The following CRYBG1 variants were observed in gnomAD, a reference collection of about 807,000 sequenced individuals.
The protein encoded by CRYBG1 is crystallin beta-gamma domain containing 1.
In CRYBG1, 139 loss-of-function variants were observed where a neutral mutation model predicts 189.2. The observed-to-expected ratio is 0.73, with a 90% confidence interval of 0.64 to 0.85. The LOEUF is 0.85. CRYBG1 is among the 40% of genes least tolerant of loss of function. The pLI, the probability that CRYBG1 is intolerant of heterozygous loss-of-function variation, is 0.00. For missense variants in CRYBG1, 2,611 were observed against 2,675.8 expected (o/e 0.98, Z 0.53); for synonymous variants, 1,023 against 1,017.1 (o/e 1.01, Z -0.11).
At position 106,435,856 on chromosome 6, in the gene CRYBG1, G is replaced by A. The variant is rs377074407; in HGVS notation, c.174-15838G>A. On this transcript the variant is annotated intron_variant, in intron 1 of 21. Coordinates refer to ENST00000633556, the MANE Select transcript of CRYBG1 (RefSeq NM_001371242.2). ...TGCTGGGATTACAGGTGTGAACCAC[G>A]GTGCCCAGCCCTTGCAAATTTTAAA... 7.2e-5 allele frequency among the ~76,000 whole-genome samples: 11 copies of A among 152,152 alleles called. No individual in the cohort carries two copies. The East Asian group carries it at 1.7e-3, about 24-fold the overall frequency.
chr6:106,565,135 T>C (rs1189609894), intron 21 of CRYBG1, among the ~76,000 whole-genome samples: 2 of 151,922 alleles, frequency 1.3e-5, no homozygotes, highest in African/African-American at 2.4e-5. Flanking sequence ...CTGGCTAACA[T>C]GGTGAAACCC....
At chr6:106,417,721 A>G (rs908592272) in intron 1 of CRYBG1, among the ~76,000 whole-genome samples, 1 of 152,248 alleles carries the variant, frequency 6.6e-6, no homozygotes, top group African/African-American at 2.4e-5. Flanking sequence ...AGAATGTGAG[A>G]GAGCGAGTGC....
At chr6:106,552,002 A>G in intron 14 of CRYBG1, 24 bp downstream of exon 14, 1 of 1,574,120 alleles carries the variant, frequency 6.4e-7, no homozygotes. Context: ...TTTTTGTATG[A>G]GAATATTTAA....
chr6:106,520,075 A>G lies in CRYBG1; in HGVS notation c.2867A>G (p.Gln956Arg). ...GAGTGTCCATCCAGAGTCCTCGTCC[A>G]GGTCAGGTCCTTCGTGCTCCCCGTG... ...GSECPSRVLV[Q>R]VRSFVLPVES... The change falls in exon 4 of 22, where the codon CAG (glutamine) becomes CGG (arginine). Residue 956 changes from glutamine to arginine, a missense_variant. Physicochemically the swap from Gln to Arg is conservative, Grantham distance 43. Coordinates refer to ENST00000633556, the MANE Select transcript of CRYBG1 (RefSeq NM_001371242.2). 6.2e-7 allele frequency: 1 copy of G among 1,614,160 alleles called. No individual in the cohort carries two copies. Among genetic ancestry groups the G allele is most frequent in the Non-Finnish European group, 8.5e-7 (1 of 1,180,032 alleles).
chr6:106,526,287 A>T (rs1773736976), intron 6 of CRYBG1, among the ~76,000 whole-genome samples: 1 of 152,208 alleles, frequency 6.6e-6, no homozygotes, highest in Admixed American at 6.5e-5. Flanking sequence ...AGTCATGAGA[A>T]AAACAAGATT....
intron 1 of CRYBG1, among the ~76,000 whole-genome samples, chr6:106,401,076 A>G (rs544999754): frequency 6.6e-6 from 1 of 152,158 alleles, no homozygotes; most frequent in East Asian, 1.9e-4. Context: ...ACATCATCCA[A>G]TGGCTTTTGG....
At chr6:106,375,557 G>C (rs1770139081) in intron 1 of CRYBG1, among the ~76,000 whole-genome samples, 1 of 152,160 alleles carries the variant, frequency 6.6e-6, no homozygotes, top group South Asian at 2.1e-4. Context: ...CATCTCATGA[G>C]TCGGATTCCA....
chr6:106,550,368 AATG>A (rs1396549853), intron 13 of CRYBG1, among the ~76,000 whole-genome samples: 1 of 152,222 alleles, frequency 6.6e-6, no homozygotes, highest in African/African-American at 2.4e-5. Context: ...GGATCATGAG[AATG>A]ATGAATTAAT....
chr6:106,525,797 GA>G (rs1773726909), intron 6 of CRYBG1, among the ~76,000 whole-genome samples: 1 of 149,446 alleles, frequency 6.7e-6, no homozygotes, highest in Non-Finnish European at 1.5e-5. Flanking sequence ...GAACACGTAG[GA>G]AAAGGCAAAG....
At position 106,558,574 on chromosome 6, in the gene CRYBG1, G is replaced by A. The variant is rs79408213; in HGVS notation, c.5804G>A (p.Arg1935Gln). 84 of 1,613,654 alleles carry A rather than the reference G, an allele frequency of 5.2e-5. No individual in the cohort carries two copies. The East Asian group carries it at 1.5e-3, about 29-fold the overall frequency. Residue 1935 changes from arginine (R) to glutamine (Q), a missense_variant, in exon 18 of 22, where the codon CGA becomes CAA. By Grantham distance (43) the Arg-to-Gln change is conservative. Coordinates refer to ENST00000633556, the MANE Select transcript of CRYBG1 (RefSeq NM_001371242.2). ...IELNAETVNL[R>Q]SLGFNTQIRS... ...CTTAATGCAGAAACTGTCAATCTCC[G>A]ATCCCTGGGATTCAACACACAAATA...
intron 2 of CRYBG1, among the ~76,000 whole-genome samples, chr6:106,499,804 G>C (rs1772961193): frequency 6.6e-6 from 1 of 152,036 alleles, no homozygotes; most frequent in Non-Finnish European, 1.5e-5. Context: ...TATATCCTTT[G>C]ACCAACATCT....
intron 2 of CRYBG1, among the ~76,000 whole-genome samples, chr6:106,480,709 C>T (rs1476041560): frequency 4.6e-5 from 7 of 150,768 alleles, no homozygotes; most frequent in African/African-American, 1.2e-4. Flanking sequence ...TGGTAGCTCA[C>T]GCCTATAATC....
intron 1 of CRYBG1, among the ~76,000 whole-genome samples, chr6:106,363,398 A>C (rs907560996): frequency 3.3e-5 from 5 of 152,134 alleles, no homozygotes; most frequent in Non-Finnish European, 5.9e-5. Flanking sequence ...TAAACGTACT[A>C]GTCTGTCTTT....
chr6:106,437,611 T>G (rs1006945493), intron 1 of CRYBG1, among the ~76,000 whole-genome samples: 28 of 152,236 alleles, frequency 1.8e-4, no homozygotes, highest in African/African-American at 6.7e-4. Flanking sequence ...TGATTTTTGT[T>G]TGTTTCGTAG....
At chr6:106,556,643 T>C (rs1187729273) in intron 17 of CRYBG1, among the ~76,000 whole-genome samples, 1 of 152,340 alleles carries the variant, frequency 6.6e-6, no homozygotes, top group East Asian at 1.9e-4. Flanking sequence ...TGTTGAGATA[T>C]TAAAGTCTGG....
intron 1 of CRYBG1, among the ~76,000 whole-genome samples, chr6:106,369,788 T>C (rs1405883582): frequency 1.3e-5 from 2 of 152,252 alleles, no homozygotes; most frequent in African/African-American, 4.8e-5. Flanking sequence ...TTTACAAATA[T>C]TAACCCACTA....
chr6:106,397,280 G>C (rs1770631223), intron 1 of CRYBG1, among the ~76,000 whole-genome samples: 1 of 152,158 alleles, frequency 6.6e-6, no homozygotes, highest in Non-Finnish European at 1.5e-5. Flanking sequence ...GAACATCTAA[G>C]ATCTGTCTTA....
intron 2 of CRYBG1, among the ~76,000 whole-genome samples, chr6:106,460,127 C>G (rs1034904821): frequency 6.7e-6 from 1 of 149,342 alleles, no homozygotes; most frequent in Non-Finnish European, 1.5e-5. Flanking sequence ...GCTGGGACTA[C>G]AGGCGCCCGC....
At chr6:106,534,503 G>T (rs901444229) in intron 8 of CRYBG1, among the ~76,000 whole-genome samples, 19 of 152,284 alleles carry the variant, frequency 1.2e-4, no homozygotes, top group African/African-American at 4.3e-4. Flanking sequence ...AGCTCATTTT[G>T]CTTCTGTTGA....
Sources: gnomAD v4.1 joint callset for allele counts (sites outside exome capture counted in the v4.1 genomes callset) on GRCh38, gnomAD v4.1.1 for gene constraint, MANE v1.5 for transcripts, NCBI Gene and HGNC (gene_info 2026-07-23, HGNC 2026-07-21) for gene names.